The following SHANK2 variants were observed in gnomAD, a reference collection of about 807,000 sequenced individuals.
The protein encoded by SHANK2 is SH3 and multiple ankyrin repeat domains 2, also known as SH3 and multiple ankyrin repeat domains protein 2.
A neutral mutation model predicts 133.7 loss-of-function variants in SHANK2; 43 were observed. The observed-to-expected ratio is 0.32, with a 90% confidence interval of 0.25 to 0.41. The LOEUF (loss-of-function observed/expected upper bound fraction) is 0.41, where lower values mean the gene tolerates loss of function less well. Ranked by LOEUF, SHANK2 falls within the 10% of genes least tolerant of loss-of-function variation. The pLI is 1.00. For synonymous variants in SHANK2, 1,017 were observed against 952.8 expected, an observed-to-expected ratio of 1.07 and a Z score of -1.24; for missense variants, 1,994 against 2,235.8, an observed-to-expected ratio of 0.89 and a Z score of 2.18.
intron 16 of SHANK2, among the ~76,000 whole-genome samples, chr11:70,660,958 G>A (rs1286995793): frequency 6.6e-6 from 1 of 152,250 alleles, no homozygotes; most frequent in Non-Finnish European, 1.5e-5. Flanking sequence ...TCTTTTGGAG[G>A]GGAAGCTGCG....
intron 3 of SHANK2, among the ~76,000 whole-genome samples, chr11:71,121,207 C>G (rs1471663761): frequency 4.2e-4 from 64 of 152,332 alleles, no homozygotes; most frequent in Middle Eastern, 3.4e-3. Context: ...TCTGATTCCC[C>G]CATGAAAATC....
chr11:71,083,508 C>G (rs1419766330), intron 8 of SHANK2, among the ~76,000 whole-genome samples: 1 of 152,112 alleles, frequency 6.6e-6, no homozygotes, highest in Non-Finnish European at 1.5e-5. Flanking sequence ...GGTGAGCCAG[C>G]GAGCGATGAG....
Position 70,802,198 on chromosome 11 carries a change from C to T in SHANK2, c.1664-3642G>A, listed in dbSNP as rs563541644. Among the ~76,000 whole-genome samples the T allele has an allele frequency of 4.9e-4, 74 of 152,240 alleles. 1 individual carries two copies. Among genetic ancestry groups the T allele is most frequent in the Admixed American group, 4.5e-3 (69 of 15,296 alleles). On this transcript the variant is annotated intron_variant, in intron 13 of 25. Coordinates refer to ENST00000601538, the MANE Select transcript of SHANK2 (RefSeq NM_012309.5). ...AACACCATGTCTGCTCCAACACAGA[C>T]GATGCTTTAAGGCACCTATGAAAAC...
chr11:71,146,037 A>C (rs1565477752), intron 3 of SHANK2, among the ~76,000 whole-genome samples: 1 of 152,184 alleles, frequency 6.6e-6, no homozygotes, highest in Non-Finnish European at 1.5e-5. Flanking sequence ...TGTCTACTCC[A>C]CAGCAAATGG....
intron 10 of SHANK2, among the ~76,000 whole-genome samples, chr11:70,936,464 A>G (rs1192492639): frequency 6.6e-6 from 1 of 152,218 alleles, no homozygotes; most frequent in African/African-American, 2.4e-5. Flanking sequence ...GTGAGCCGAG[A>G]TCACCCCACT....
chr11:70,941,158 G>A (rs935016245), intron 10 of SHANK2, among the ~76,000 whole-genome samples: 1 of 152,168 alleles, frequency 6.6e-6, no homozygotes, highest in Non-Finnish European at 1.5e-5. Context: ...CAAGGACCAT[G>A]TCACACCAAT....
chr11:70,503,790 T>C (rs1012379338), intron 17 of SHANK2, among the ~76,000 whole-genome samples: 5 of 152,234 alleles, frequency 3.3e-5, no homozygotes, highest in Non-Finnish European at 7.3e-5. Context: ...CAGATGGCCT[T>C]GGCCTCTGCC....
In SHANK2 at chr11:70,471,058, A is replaced by C. The variant is rs2058592108; in HGVS notation, c.*1811T>G. On this transcript the variant is annotated 3_prime_UTR_variant, in exon 26 of 26. Transcript: ENST00000601538. This position sits in a 1 kb window ranked among gnomAD's most constrained non-coding sequence, Gnocchi z 4.1. Reference sequence around the variant, plus strand: ...ATTATTCCACAGAAATAGTATTATTAAATCACAAAAGTTTTTTTTTCTTTA... The same window carrying C: ...ATTATTCCACAGAAATAGTATTATTCAATCACAAAAGTTTTTTTTTCTTTA... 1 of 381,048 alleles carries C rather than the reference A, an allele frequency of 2.6e-6. No homozygotes were observed. Among genetic ancestry groups the C allele is most frequent in the East Asian group, 3.7e-5 (1 of 27,010 alleles). The allele number at this position is 381,048 out of a possible 1,614,324, so 23.6% of individuals were successfully genotyped here.
chr11:70,500,525 G>C lies in SHANK2; in HGVS notation c.2308+45C>G, dbSNP rs782485673. The C allele has an allele frequency of 2.5e-6, 4 of 1,589,696 alleles. No homozygotes were observed. The highest frequency in any genetic ancestry group is 1.3e-5 in the African/African-American group (1 of 74,618). On this transcript the variant is annotated intron_variant, in intron 21 of 25. Transcript: ENST00000601538. This position sits in a 1 kb window ranked among gnomAD's most constrained non-coding sequence, Gnocchi z 4.5. ...ACAAAGGATGTTTCTGTTCCACAGGGGGGTGATGGGCAGGGGGCTGAGACA... is the reference window on the plus strand; with the variant it reads ...ACAAAGGATGTTTCTGTTCCACAGGCGGGTGATGGGCAGGGGGCTGAGACA...
chr11:70,493,965 C>T (rs1425030134), intron 21 of SHANK2, among the ~76,000 whole-genome samples: 1 of 152,226 alleles, frequency 6.6e-6, no homozygotes, highest in African/African-American at 2.4e-5. Flanking sequence ...AGTTACCTGT[C>T]ATGGCAGCTT....
intron 14 of SHANK2, among the ~76,000 whole-genome samples, chr11:70,706,386 C>T (rs1276547704): frequency 3.9e-5 from 6 of 152,170 alleles, no homozygotes; most frequent in Admixed American, 6.5e-5. Flanking sequence ...CCGTTGGCCA[C>T]GTCATCTCCT....
chr11:70,925,634 A>G (rs782736310), intron 10 of SHANK2, among the ~76,000 whole-genome samples: 1 of 152,222 alleles, frequency 6.6e-6, no homozygotes, highest in Non-Finnish European at 1.5e-5. Context: ...GGAGCACCCT[A>G]GTGGGAAGAA....
At chr11:71,106,014 C>A (rs935142120) in intron 6 of SHANK2, among the ~76,000 whole-genome samples, 2 of 152,230 alleles carry the variant, frequency 1.3e-5, no homozygotes, top group African/African-American at 2.4e-5. Context: ...AGGATCACAA[C>A]TGGTTCACTG....
In SHANK2 at chr11:70,818,219, C is replaced by T. The variant is rs114458785; in HGVS notation, c.1493+2145G>A. Reference sequence around the variant, plus strand: ...ACAATGATTCTCTCTCTAACATGCACGCGCATGTCTACACACCAGCATGCA... The same window carrying T: ...ACAATGATTCTCTCTCTAACATGCATGCGCATGTCTACACACCAGCATGCA... On this transcript the variant is annotated intron_variant, in intron 12 of 25. Transcript: ENST00000601538. 8.3e-3 allele frequency among the ~76,000 whole-genome samples: 1,262 copies of T among 152,250 alleles called. 21 individuals are homozygous for T. Among genetic ancestry groups the T allele is most frequent in the African/African-American group, 0.029 (1,215 of 41,518 alleles).
chr11:70,955,378 C>T (rs1555087550), intron 10 of SHANK2, among the ~76,000 whole-genome samples: 1 of 151,504 alleles, frequency 6.6e-6, no homozygotes, highest in African/African-American at 2.4e-5. Context: ...CCAGTCAGTT[C>T]CCCTATGCTT....
At chr11:71,085,522 T>G (rs1222044371) in intron 8 of SHANK2, among the ~76,000 whole-genome samples, 1 of 108,976 alleles carries the variant, frequency 9.2e-6, no homozygotes, top group Non-Finnish European at 1.7e-5. Context: ...TTATATATGC[T>G]ATATATTATA....
At chr11:70,774,012 C>A (rs1947309520) in intron 14 of SHANK2, among the ~76,000 whole-genome samples, 1 of 152,206 alleles carries the variant, frequency 6.6e-6, no homozygotes, top group Non-Finnish European at 1.5e-5. Flanking sequence ...GGTGTTCCAA[C>A]AAACCATGCA....
At chr11:71,112,187 A>T (rs1555099454) in intron 5 of SHANK2, among the ~76,000 whole-genome samples, 1 of 152,220 alleles carries the variant, frequency 6.6e-6, no homozygotes, top group Non-Finnish European at 1.5e-5. Context: ...TAAAGTCAGG[A>T]GTTTGAGACC....
At chr11:70,580,776 C>T (rs1469271529) in intron 17 of SHANK2, among the ~76,000 whole-genome samples, 2 of 152,262 alleles carry the variant, frequency 1.3e-5, no homozygotes, top group Admixed American at 6.5e-5. Flanking sequence ...AGGCCACGGG[C>T]CACATCTTCA....
Sources: gnomAD v4.1 joint callset for allele counts (sites outside exome capture counted in the v4.1 genomes callset) on GRCh38, gnomAD v4.1.1 for gene constraint, Gnocchi (gnomAD v3.1) non-coding constraint, MANE v1.5 for transcripts, NCBI Gene and HGNC (gene_info 2026-07-23, HGNC 2026-07-21) for gene names.